The following FNDC3B variants were observed in gnomAD, a reference collection of about 807,000 sequenced individuals.
FNDC3B encodes fibronectin type III domain containing 3B.
FNDC3B carries 12 observed loss-of-function variants against 151.5 expected under a neutral mutation model. The ratio of observed to expected loss-of-function variants is 0.08; its 90% CI spans 0.05 to 0.13. The LOEUF (loss-of-function observed/expected upper bound fraction) is 0.13. FNDC3B is among the 10% of genes least tolerant of loss of function. FNDC3B has a pLI of 1.00. For synonymous variants in FNDC3B, 528 were observed against 549.0 expected, an observed-to-expected ratio of 0.96 and a Z score of 0.54; for missense variants, 1,214 against 1,505.3, an observed-to-expected ratio of 0.81 and a Z score of 3.20.
At chr3:172,205,789 C>T (rs1725392439) in intron 3 of FNDC3B, among the ~76,000 whole-genome samples, 1 of 152,176 alleles carries the variant, frequency 6.6e-6, no homozygotes, top group South Asian at 2.1e-4. Flanking sequence ...AAGAAGTTTG[C>T]TCCTCTTTGT....
chr3:172,209,800 G>A (rs1725636050), intron 3 of FNDC3B, among the ~76,000 whole-genome samples: 1 of 152,230 alleles, frequency 6.6e-6, no homozygotes, highest in Admixed American at 6.5e-5. Flanking sequence ...TGGCGCCCAG[G>A]CTGTCCGGCC....
At chr3:172,167,670 T>C (rs1375112939) in intron 3 of FNDC3B, among the ~76,000 whole-genome samples, 1 of 152,198 alleles carries the variant, frequency 6.6e-6, no homozygotes, top group African/African-American at 2.4e-5. Context: ...GTCTGTGGCA[T>C]GTTAGGAACC....
chr3:172,305,488 G>C (rs1237417328), intron 9 of FNDC3B, among the ~76,000 whole-genome samples: 1 of 152,106 alleles, frequency 6.6e-6, no homozygotes. Context: ...TTGTTCTCCT[G>C]TCCTCTATAT....
chr3:172,162,914 A>G (rs866095004), intron 3 of FNDC3B, among the ~76,000 whole-genome samples: 4 of 152,194 alleles, frequency 2.6e-5, no homozygotes, highest in African/African-American at 9.7e-5. Flanking sequence ...TAGAAGCTCA[A>G]ATCTAATCTT....
intron 1 of FNDC3B, among the ~76,000 whole-genome samples, chr3:172,102,663 G>A (rs1425611320): frequency 6.6e-6 from 1 of 152,176 alleles, no homozygotes; most frequent in Non-Finnish European, 1.5e-5. Flanking sequence ...AAGTGCTGTG[G>A]GGTGCCAGGC....
chr3:172,359,759 T>C (rs1336996735), intron 22 of FNDC3B, among the ~76,000 whole-genome samples: 1 of 152,188 alleles, frequency 6.6e-6, no homozygotes, highest in Non-Finnish European at 1.5e-5. Context: ...GTTCTAATCT[T>C]TCAGTGTTAT....
chr3:172,049,757 C>G (rs956565543), intron 1 of FNDC3B, among the ~76,000 whole-genome samples: 8 of 152,168 alleles, frequency 5.3e-5, no homozygotes, highest in African/African-American at 1.9e-4. Flanking sequence ...AAACTCCTGA[C>G]CTCAGGTGAT....
At chr3:172,122,104 T>G (rs1199873547) in intron 2 of FNDC3B, among the ~76,000 whole-genome samples, 1 of 152,238 alleles carries the variant, frequency 6.6e-6, no homozygotes, top group African/African-American at 2.4e-5. Flanking sequence ...CAGAATATGT[T>G]TGCACATAAT....
Position 172,243,491 on chromosome 3 carries a change from G to GGA in FNDC3B, c.265-4041_265-4040insAG, listed in dbSNP as rs1482695254. On this transcript the variant is annotated intron_variant, in intron 4 of 25. Transcript: ENST00000415807. ...ATGGATGGCAGCAGGCAAAAAAAGA[G>GGA]GTTGTGCAGGGAGACTCCTGTTTTT... 4.6e-5 allele frequency among the ~76,000 whole-genome samples: 7 copies of GGA among 152,310 alleles called. No individual in the cohort carries two copies. The East Asian group carries it at 9.6e-4, about 21-fold the overall frequency.
In FNDC3B at chr3:172,106,467, A is replaced by G. The variant is rs188994243; in HGVS notation, c.-28-5985A>G. 7.2e-5 allele frequency among the ~76,000 whole-genome samples: 11 copies of G among 152,306 alleles called. 1 individual carries two copies. The highest frequency in any genetic ancestry group is 2.4e-4 in the African/African-American group (10 of 41,568). On this transcript the variant is annotated intron_variant, in intron 1 of 25. Coordinates refer to ENST00000415807, the MANE Select transcript of FNDC3B (RefSeq NM_022763.4). ...CCCGGTGGGTTTGGTTCTGATGGGT[A>G]TACTTTGTTCCTTTTGGTACTGTTA...
Position 172,053,793 on chromosome 3 carries a change from AAAAT to A in FNDC3B, c.-29+14023_-29+14026del, listed in dbSNP as rs1716788664. Among the ~76,000 whole-genome samples, 5 of 152,178 alleles carry A rather than the reference AAAAT, an allele frequency of 3.3e-5. No individual in the cohort carries two copies. The South Asian group carries it at 1.0e-3, about 32-fold the overall frequency. ...CTCCGTCTCAAAAAAAAAAAAAAAA[AAAAT>A]CTTCTTTTGAAACAATATTCTGGAC... On this transcript the variant is annotated intron_variant, in intron 1 of 25. Coordinates refer to ENST00000415807, the MANE Select transcript of FNDC3B (RefSeq NM_022763.4).
At chr3:172,213,876 G>C (rs1725846464) in intron 3 of FNDC3B, among the ~76,000 whole-genome samples, 1 of 152,168 alleles carries the variant, frequency 6.6e-6, no homozygotes, top group African/African-American at 2.4e-5. Flanking sequence ...GTAGACCCTT[G>C]ATTTTGATTT....
intron 25 of FNDC3B, 46 bp from the exon 26 acceptor site, chr3:172,397,116 AAC>A: frequency 6.9e-7 from 1 of 1,447,418 alleles, no homozygotes; most frequent in Non-Finnish European, 9.4e-7. Flanking sequence ...TTCTAGAGAC[AAC>A]AGTGTTGCTA....
chr3:172,289,652 G>A (rs1441631715), intron 7 of FNDC3B, among the ~76,000 whole-genome samples: 1 of 152,176 alleles, frequency 6.6e-6, no homozygotes, highest in Non-Finnish European at 1.5e-5. Flanking sequence ...ACTGTCCTTG[G>A]GACATAGTGA....
intron 3 of FNDC3B, among the ~76,000 whole-genome samples, chr3:172,217,778 G>T (rs865998271): frequency 6.6e-6 from 1 of 152,040 alleles, no homozygotes; most frequent in Admixed American, 6.5e-5. Flanking sequence ...TTAAACCCCG[G>T]TCTTTCTATT....
chr3:172,344,073 T>G lies in FNDC3B; in HGVS notation c.2078-13T>G. On this transcript the variant is annotated splice_polypyrimidine_tract_variant and intron_variant, in intron 18 of 25. Transcript: ENST00000415807. The stretch of plus-strand genomic sequence containing the variant: ...CAAAGTGTTCTAAGATGAAAAAAAT[T>G]CTTCATTCCCAGATGTTCCTGCATC... 6.2e-7 allele frequency: 1 copy of G among 1,600,148 alleles called. No individual in the cohort carries two copies. The highest frequency in any genetic ancestry group is 8.5e-7 in the Non-Finnish European group (1 of 1,172,390).
chr3:172,111,297 T>G (rs560669211), intron 1 of FNDC3B, among the ~76,000 whole-genome samples: 1 of 152,316 alleles, frequency 6.6e-6, no homozygotes, highest in East Asian at 1.9e-4. Context: ...ATTATCTTAA[T>G]TTTAATTGTA....
intron 1 of FNDC3B, among the ~76,000 whole-genome samples, chr3:172,065,961 G>A (rs1218182254): frequency 6.6e-6 from 1 of 152,108 alleles, no homozygotes; most frequent in African/African-American, 2.4e-5. Context: ...TGATTATGTG[G>A]TTAATGTAGT....
intron 3 of FNDC3B, among the ~76,000 whole-genome samples, chr3:172,190,781 G>T (rs538647311): frequency 6.6e-6 from 1 of 152,292 alleles, no homozygotes; most frequent in Admixed American, 6.5e-5. Context: ...CGATTCTCCT[G>T]CCTCAGCCTC....
Sources: allele counts gnomAD v4.1 joint callset (sites outside exome capture counted in the v4.1 genomes callset), GRCh38; gene constraint gnomAD v4.1.1; transcripts MANE v1.5; gene names NCBI Gene and HGNC (gene_info 2026-07-23, HGNC 2026-07-21).